Variants in MMP16 observed in about 807,000 individuals in gnomAD.
The protein encoded by MMP16 is matrix metallopeptidase 16.
A neutral mutation model predicts 67.8 loss-of-function variants in MMP16; 12 were observed. That is an observed-to-expected ratio of 0.18 (90% CI 0.11 to 0.29). MMP16 has a LOEUF of 0.29. MMP16 is among the 10% of genes least tolerant of loss of function. The pLI, the probability that MMP16 is intolerant of heterozygous loss-of-function variation, is 1.00. For missense variants in MMP16, 475 were observed against 765.7 expected, an observed-to-expected ratio of 0.62 and a Z score of 4.48; for synonymous variants, 249 against 255.9, an observed-to-expected ratio of 0.97 and a Z score of 0.26.
intron 1 of MMP16, among the ~76,000 whole-genome samples, chr8:88,208,734 CTG>C (rs1221921312): frequency 6.7e-6 from 1 of 148,156 alleles, no homozygotes; most frequent in African/African-American, 2.5e-5. Flanking sequence ...CTGGAGAAAA[CTG>C]TGTACACACA....
intron 6 of MMP16, among the ~76,000 whole-genome samples, chr8:88,075,997 A>C (rs1179834185): frequency 6.9e-6 from 1 of 143,984 alleles, no homozygotes; most frequent in Non-Finnish European, 1.5e-5. Context: ...GGATTCTTGG[A>C]CTTCAGTTAA....
At chr8:88,085,025 A>G (rs1476304528) in intron 6 of MMP16, among the ~76,000 whole-genome samples, 1 of 151,066 alleles carries the variant, frequency 6.6e-6, no homozygotes, top group Non-Finnish European at 1.5e-5. Flanking sequence ...TGACTGTAAC[A>G]TATGTGGACT....
At chr8:88,160,700 T>G (rs1586182400) in intron 4 of MMP16, among the ~76,000 whole-genome samples, 3 of 152,060 alleles carry the variant, frequency 2.0e-5, no homozygotes, top group African/African-American at 7.2e-5. Flanking sequence ...ATAAACTAGT[T>G]CAACCATTGT....
At chr8:88,056,371 A>T (rs909010499) in intron 7 of MMP16, 93 bp from the exon 8 acceptor site, 3 of 423,596 alleles carry the variant, frequency 7.1e-6, no homozygotes, top group Non-Finnish European at 1.1e-5. Flanking sequence ...TTAAATACAT[A>T]TTATACATTT....
At chr8:88,230,793 T>G (rs2129872197) in intron 1 of MMP16, among the ~76,000 whole-genome samples, 1 of 152,212 alleles carries the variant, frequency 6.6e-6, no homozygotes, top group East Asian at 1.9e-4. Flanking sequence ...ATAAACAAGC[T>G]ACATGGTTTT....
At chr8:88,309,182 T>C (rs1811257991) in intron 1 of MMP16, among the ~76,000 whole-genome samples, 1 of 152,008 alleles carries the variant, frequency 6.6e-6, no homozygotes, top group African/African-American at 2.4e-5. Flanking sequence ...TGTACTTAGA[T>C]AAGTACACTG....
chr8:88,116,553 T>C lies in MMP16; in HGVS notation c.1037A>G (p.Asn346Ser). 1.2e-6 allele frequency: 2 copies of C among 1,613,612 alleles called. No homozygotes were observed. Among genetic ancestry groups the C allele is most frequent in the Non-Finnish European group, 1.7e-6 (2 of 1,179,814 alleles). The part of the protein sequence containing the change: ...PGAKPNICDG[N>S]FNTLAILRRE... ...ACGAAGAATAGCTAGAGTGTTAAAG[T>C]TCCCATCACAGATGTTGGGTTTGGC... Residue 346 changes from asparagine to serine, a missense_variant, in exon 6 of 10, where the codon AAC becomes AGC. By Grantham distance (46) the Asn-to-Ser change is conservative. Transcript: ENST00000286614.
intron 4 of MMP16, among the ~76,000 whole-genome samples, chr8:88,145,119 T>C (rs1808270074): frequency 6.6e-6 from 1 of 151,986 alleles, no homozygotes; most frequent in South Asian, 2.1e-4. Context: ...ATGATGGGGA[T>C]AGGCTCCAAG....
intron 6 of MMP16, among the ~76,000 whole-genome samples, chr8:88,096,544 TAAAC>T (rs1809030217): frequency 6.6e-6 from 1 of 151,676 alleles, no homozygotes; most frequent in Admixed American, 6.6e-5. Context: ...GTTTTAAAAA[TAAAC>T]AAGAGAAATA....
intron 1 of MMP16, among the ~76,000 whole-genome samples, chr8:88,229,024 G>A (rs1809814741): frequency 6.6e-6 from 1 of 151,732 alleles, no homozygotes; most frequent in Non-Finnish European, 1.5e-5. Context: ...TGTTGGGTGT[G>A]GTAGTACACA....
intron 1 of MMP16, among the ~76,000 whole-genome samples, chr8:88,319,195 AG>A (rs1192227870): frequency 1.3e-5 from 2 of 152,314 alleles, no homozygotes; most frequent in South Asian, 4.1e-4. Context: ...CTGTAATACA[AG>A]GAATACCCAA....
At chr8:88,097,272 T>G (rs2118364508) in intron 6 of MMP16, among the ~76,000 whole-genome samples, 1 of 151,996 alleles carries the variant, frequency 6.6e-6, no homozygotes, top group Non-Finnish European at 1.5e-5. Context: ...ATCCTCAGTA[T>G]ATAATTTGCC....
At chr8:88,077,987 C>T (rs1467492287) in intron 6 of MMP16, among the ~76,000 whole-genome samples, 1 of 151,904 alleles carries the variant, frequency 6.6e-6, no homozygotes, top group Non-Finnish European at 1.5e-5. Flanking sequence ...GATGAATAAC[C>T]CTTATGGATC....
intron 2 of MMP16, among the ~76,000 whole-genome samples, chr8:88,187,687 A>T (rs1206606023): frequency 1.3e-5 from 2 of 152,204 alleles, no homozygotes; most frequent in Non-Finnish European, 2.9e-5. Context: ...AACAAAATCC[A>T]ATAATGTGCT....
chr8:88,178,900 C>T (rs948276460), intron 3 of MMP16, among the ~76,000 whole-genome samples: 5 of 151,690 alleles, frequency 3.3e-5, no homozygotes, highest in African/African-American at 1.2e-4. Flanking sequence ...CTCTATCTCA[C>T]AGAGTGTAAT....
At chr8:88,120,016 G>A (rs777940761) in intron 4 of MMP16, among the ~76,000 whole-genome samples, 15 of 151,948 alleles carry the variant, frequency 9.9e-5, no homozygotes, top group Non-Finnish European at 1.6e-4. Flanking sequence ...CTCTGGAGTA[G>A]TCTGTCACAG....
chr8:88,322,333 ACTGT>A (rs1445942164), intron 1 of MMP16, among the ~76,000 whole-genome samples: 39 of 152,298 alleles, frequency 2.6e-4, no homozygotes, highest in African/African-American at 8.7e-4. Flanking sequence ...CTTGAACTAA[ACTGT>A]CTAAGAAAAA....
chr8:88,291,822 T>C (rs1488174481), intron 1 of MMP16, among the ~76,000 whole-genome samples: 1 of 152,170 alleles, frequency 6.6e-6, no homozygotes, highest in Non-Finnish European at 1.5e-5. Context: ...ACATTTTCAA[T>C]AGATAGGTTT....
chr8:88,166,077 T>A (rs1457619349), intron 4 of MMP16, among the ~76,000 whole-genome samples: 1 of 152,090 alleles, frequency 6.6e-6, no homozygotes. Context: ...ATTTTAAATT[T>A]AACTCAACCT....
Sources: allele counts gnomAD v4.1 joint callset (sites outside exome capture counted in the v4.1 genomes callset), GRCh38; gene constraint gnomAD v4.1.1; transcripts MANE v1.5; gene names NCBI Gene and HGNC (gene_info 2026-07-23, HGNC 2026-07-21).